DPYSL2: variants seen among roughly 807,000 people sequenced by gnomAD.
DPYSL2 encodes dihydropyrimidinase like 2, also known as dihydropyrimidinase-related protein 2.
Under a neutral mutation model 69.9 loss-of-function variants are expected in DPYSL2, and 13 were observed. The ratio of observed to expected loss-of-function variants is 0.19; its 90% CI spans 0.12 to 0.30. DPYSL2 has a LOEUF of 0.30. Among genes scored for constraint, DPYSL2 ranks in the 10% least tolerant of loss-of-function variants. The pLI, the probability that DPYSL2 is intolerant of heterozygous loss-of-function variation, is 1.00. For missense variants in DPYSL2, 587 were observed against 918.9 expected, an observed-to-expected ratio of 0.64 and a Z score of 4.67; for synonymous variants, 326 against 359.1, an observed-to-expected ratio of 0.91 and a Z score of 1.04.
Position 26,609,416 on chromosome 8 carries a change from T to C in DPYSL2, c.629-14727T>C, listed in dbSNP as rs924047228. Reference sequence around the variant, plus strand: ...GGGGCTGCAAGTCCTTAAGTTATAGTTGGATTCCCTTCCCAGCAAGGAACC... The same window carrying C: ...GGGGCTGCAAGTCCTTAAGTTATAGCTGGATTCCCTTCCCAGCAAGGAACC... On this transcript the variant is annotated intron_variant, in intron 3 of 13. Transcript: ENST00000521913. The surrounding 1 kb of genome is among the most constrained non-coding windows in gnomAD (Gnocchi z 6.5). Among the ~76,000 whole-genome samples, 1 of 152,194 alleles carries C rather than the reference T, an allele frequency of 6.6e-6. No homozygotes were observed. Among genetic ancestry groups the C allele is most frequent in the East Asian group, 1.9e-4 (1 of 5,188 alleles).
At position 26,624,290 on chromosome 8, in the gene DPYSL2, C is replaced by T. The variant is rs199507729; in HGVS notation, c.776C>T (p.Ala259Val). ...WHKGIQEEME[A>V]LVKDHGVNSF... ...AAGGGCATCCAGGAGGAGATGGAAG[C>T]GCTTGTGAAGGATCACGGTAGGTTG... The change falls in exon 4 of 14, where the codon GCG becomes GTG. Residue 259 changes from alanine (A) to valine (V), a missense_variant. Ala to Val is a moderately conservative substitution (Grantham distance 64). Coordinates refer to ENST00000521913, the MANE Select transcript of DPYSL2 (RefSeq NM_001197293.3). This position sits in a 1 kb window ranked among gnomAD's most constrained non-coding sequence, Gnocchi z 4.7. 10 of 1,614,004 alleles carry T rather than the reference C, an allele frequency of 6.2e-6. No individual in the cohort carries two copies. Among genetic ancestry groups the T allele is most frequent in the Admixed American group, 3.3e-5 (2 of 60,004 alleles).
chr8:26,644,539 G>A lies in DPYSL2; in HGVS notation c.1425+448G>A, dbSNP rs949735359. On this transcript the variant is annotated intron_variant, in intron 10 of 13. Transcript: ENST00000521913. This position sits in a 1 kb window ranked among gnomAD's most constrained non-coding sequence, Gnocchi z 4.5. The stretch of plus-strand genomic sequence containing the variant: ...TTGCCCAGGCTGGTCTCGAGTTCCC[G>A]GGTTTAAGCAATGCCTCGGCCTCCC... Among the ~76,000 whole-genome samples the A allele has an allele frequency of 6.6e-6, 1 of 151,718 alleles. No individual in the cohort carries two copies. Among genetic ancestry groups the A allele is most frequent in the East Asian group, 1.9e-4 (1 of 5,138 alleles).
chr8:26,634,729 G>T (rs1336914118), intron 7 of DPYSL2, 51 bp from the exon 8 acceptor site: 2 of 1,612,088 alleles, frequency 1.2e-6, no homozygotes, highest in Admixed American at 3.3e-5. Context: ...AAAGGTAGCG[G>T]CTCGTGGGGT....
chr8:26,622,772 G>T (rs116470729), intron 3 of DPYSL2, among the ~76,000 whole-genome samples: 1 of 152,066 alleles, frequency 6.6e-6, no homozygotes, highest in South Asian at 2.1e-4. Flanking sequence ...AAAGTGCAAC[G>T]GCTATATTTC....
rs1801733383 is a variant in DPYSL2 at position 26,591,830 on chromosome 8, C to T, written c.628+7847C>T. Among the ~76,000 whole-genome samples the T allele has an allele frequency of 6.6e-6, 1 of 152,150 alleles. No individual in the cohort carries two copies. The highest frequency in any genetic ancestry group is 2.4e-5 in the African/African-American group (1 of 41,444). ...GGGGAAGCACAGGATGGAAACCAAC[C>T]CATCCTGGCACTGCCTCCCCCTCTG... On this transcript the variant is annotated intron_variant, in intron 3 of 13. Coordinates refer to ENST00000521913, the MANE Select transcript of DPYSL2 (RefSeq NM_001197293.3). This position sits in a 1 kb window ranked among gnomAD's most constrained non-coding sequence, Gnocchi z 5.8.
Position 26,619,902 on chromosome 8 carries a change from G to C in DPYSL2, c.629-4241G>C, listed in dbSNP as rs567023278. 1 of 152,336 alleles carries C rather than the reference G, an allele frequency of 6.6e-6. No homozygotes were observed. Among genetic ancestry groups the C allele is most frequent in the Admixed American group, 6.5e-5 (1 of 15,296 alleles). 9.4% of individuals were successfully genotyped at this position (152,336 alleles called of 1,614,324 possible). ...ACTGGAGATCATTACTGTGCACCCT[G>C]AAGTCTGAGGAGTCTAGCACCAGAT... On this transcript the variant is annotated intron_variant, in intron 3 of 13. Transcript: ENST00000521913. This position sits in a 1 kb window ranked among gnomAD's most constrained non-coding sequence, Gnocchi z 4.8.
At chr8:26,589,380 T>C (rs1362127312) in intron 3 of DPYSL2, among the ~76,000 whole-genome samples, 1 of 152,218 alleles carries the variant, frequency 6.6e-6, no homozygotes, top group Non-Finnish European at 1.5e-5. Context: ...TCTTACATTT[T>C]CCTATTTCCT....
In DPYSL2 at chr8:26,585,567, A is replaced by AT. The variant is rs1563397524; in HGVS notation, c.628+1587dup. Among the ~76,000 whole-genome samples the AT allele has an allele frequency of 5.5e-4, 83 of 151,592 alleles. No homozygotes were observed. The highest frequency in any genetic ancestry group is 1.8e-3 in the African/African-American group (76 of 41,334). On this transcript the variant is annotated intron_variant, in intron 3 of 13. Transcript: ENST00000521913. This position sits in a 1 kb window ranked among gnomAD's most constrained non-coding sequence, Gnocchi z 4.0. ...CATTTTCCAGGGATGTCGGGGGGAGATTTCATGCACACCTAGGGAGAGCAG... is the reference window on the plus strand; with the variant it reads ...CATTTTCCAGGGATGTCGGGGGGAGATTTTCATGCACACCTAGGGAGAGCAG...
chr8:26,635,917 A>T (rs890620265), intron 8 of DPYSL2, among the ~76,000 whole-genome samples: 16 of 152,108 alleles, frequency 1.1e-4, no homozygotes, highest in African/African-American at 3.6e-4. Context: ...GCATCATGCA[A>T]TCCACATGGA....
At position 26,517,390 on chromosome 8, in the gene DPYSL2, C is replaced by A. The variant is rs759903767; in HGVS notation, c.354+2711C>A. The stretch of plus-strand genomic sequence containing the variant: ...CTTGACTCGGCATGTCAGATTTTGG[C>A]GGAGGAAAAGAGCTGGCATAGTGGT... On this transcript the variant is annotated intron_variant, in intron 1 of 13. Transcript: ENST00000521913. The surrounding 1 kb of genome is among the most constrained non-coding windows in gnomAD (Gnocchi z 4.2). Among the ~76,000 whole-genome samples the A allele has an allele frequency of 2.0e-5, 3 of 152,144 alleles. No individual in the cohort carries two copies. The highest frequency in any genetic ancestry group is 4.4e-5 in the Non-Finnish European group (3 of 68,020).
intron 7 of DPYSL2, among the ~76,000 whole-genome samples, chr8:26,631,165 A>T (rs534335577): frequency 2.5e-4 from 38 of 152,328 alleles, no homozygotes; most frequent in African/African-American, 8.9e-4. Flanking sequence ...GAGAGTTGTT[A>T]TTCTGGTTGC....
intron 10 of DPYSL2, among the ~76,000 whole-genome samples, chr8:26,646,368 C>T (rs1803164473): frequency 6.6e-6 from 1 of 152,174 alleles, no homozygotes; most frequent in Non-Finnish European, 1.5e-5. Flanking sequence ...GTTTGTACTG[C>T]TTTATACGCC....
Position 26,517,974 on chromosome 8 carries a change from C to A in DPYSL2, c.354+3295C>A, listed in dbSNP as rs1458526702. 6.6e-6 allele frequency among the ~76,000 whole-genome samples: 1 copy of A among 152,184 alleles called. No individual in the cohort carries two copies. ...TCCCTACTCCATCCCCATAGCATGC[C>A]CCTTCTAGACCTTTCTTCTTCCAAA... On this transcript the variant is annotated intron_variant, in intron 1 of 13. Coordinates refer to ENST00000521913, the MANE Select transcript of DPYSL2 (RefSeq NM_001197293.3). This position sits in a 1 kb window ranked among gnomAD's most constrained non-coding sequence, Gnocchi z 4.2.
At chr8:26,634,644 G>A (rs1427505187) in intron 7 of DPYSL2, 136 bp from the exon 8 acceptor site, 2 of 1,460,508 alleles carry the variant, frequency 1.4e-6, no homozygotes, top group Non-Finnish European at 1.9e-6. Context: ...ATACTCCTTT[G>A]AATTGTCCCC....
Position 26,586,397 on chromosome 8 carries a change from C to T in DPYSL2, c.628+2414C>T, listed in dbSNP as rs762607498. Among the ~76,000 whole-genome samples the T allele has an allele frequency of 6.6e-6, 1 of 152,218 alleles. No individual in the cohort carries two copies. The highest frequency in any genetic ancestry group is 6.5e-5 in the Admixed American group (1 of 15,286). On this transcript the variant is annotated intron_variant, in intron 3 of 13. Coordinates refer to ENST00000521913, the MANE Select transcript of DPYSL2 (RefSeq NM_001197293.3). This position sits in a 1 kb window ranked among gnomAD's most constrained non-coding sequence, Gnocchi z 4.7. Reference sequence around the variant, plus strand: ...TGCCTCTCATCAAGTACATGTTGCTCAGCAGATACAGAAAGTCCCTGTTTT... The same window carrying T: ...TGCCTCTCATCAAGTACATGTTGCTTAGCAGATACAGAAAGTCCCTGTTTT...
chr8:26,645,559 CATTT>C (rs765686825), intron 10 of DPYSL2, among the ~76,000 whole-genome samples: 2 of 152,062 alleles, frequency 1.3e-5, no homozygotes, highest in East Asian at 1.9e-4. Context: ...AACTGGGACT[CATTT>C]ATTTATTTAT....
At position 26,626,303 on chromosome 8, in the gene DPYSL2, T is replaced by A. The variant is rs960852652; in HGVS notation, c.794-314T>A. ...TGAATAATTCTGCTATGAACATGGA[T>A]GTGCAAACACTGGCAACTTTTAATT... is the stretch of plus-strand genomic sequence containing the variant. On this transcript the variant is annotated intron_variant, in intron 4 of 13. Coordinates refer to ENST00000521913, the MANE Select transcript of DPYSL2 (RefSeq NM_001197293.3). The surrounding 1 kb of genome is among the most constrained non-coding windows in gnomAD (Gnocchi z 4.3). 1.3e-5 allele frequency among the ~76,000 whole-genome samples: 2 copies of A among 152,218 alleles called. No individual in the cohort carries two copies. The highest frequency in any genetic ancestry group is 2.9e-5 in the Non-Finnish European group (2 of 68,034).
chr8:26,602,282 T>A (rs1305849644), intron 3 of DPYSL2, among the ~76,000 whole-genome samples: 2 of 147,358 alleles, frequency 1.4e-5, no homozygotes, highest in African/African-American at 4.9e-5. Context: ...GGAAAACTTA[T>A]TTTTTTTTAA....
At position 26,587,790 on chromosome 8, in the gene DPYSL2, G is replaced by A. The variant is rs1801638592; in HGVS notation, c.628+3807G>A. On this transcript the variant is annotated intron_variant, in intron 3 of 13. Coordinates refer to ENST00000521913, the MANE Select transcript of DPYSL2 (RefSeq NM_001197293.3). The surrounding 1 kb of genome is among the most constrained non-coding windows in gnomAD (Gnocchi z 4.2). ...GGGGGCGGCCGCATTGCTGCTTGGG[G>A]AAAACCCTACGGACTTCCCAGGGCC... 6.6e-6 allele frequency among the ~76,000 whole-genome samples: 1 copy of A among 152,126 alleles called. No homozygotes were observed. Among genetic ancestry groups the A allele is most frequent in the African/African-American group, 2.4e-5 (1 of 41,430 alleles).
Sources: allele counts gnomAD v4.1 joint callset (sites outside exome capture counted in the v4.1 genomes callset), GRCh38; gene constraint gnomAD v4.1.1; non-coding constraint Gnocchi (gnomAD v3.1); transcripts MANE v1.5; gene names NCBI Gene and HGNC (gene_info 2026-07-23, HGNC 2026-07-21).